The following SCN11A variants were observed in gnomAD, a reference collection of about 807,000 sequenced individuals.
SCN11A encodes the protein sodium voltage-gated channel alpha subunit 11.
SCN11A carries 122 observed loss-of-function variants against 162.2 expected under a neutral mutation model. The ratio of observed to expected loss-of-function variants is 0.75; its 90% CI spans 0.65 to 0.87. The LOEUF is 0.87. Among genes scored for constraint, SCN11A ranks in the 40% least tolerant of loss-of-function variants. The probability of loss-of-function intolerance (pLI) is 0.00; values close to 1 mark genes in which losing one functional copy is unlikely to be tolerated. For synonymous variants in SCN11A, 758 were observed against 751.5 expected (o/e 1.01, Z -0.14); for missense variants, 2,015 against 2,181.6 (o/e 0.92, Z 1.52).
At chr3:38,964,418 C>T (rs1037107494) in intron 2 of SCN11A, among the ~76,000 whole-genome samples, 3 of 152,176 alleles carry the variant, frequency 2.0e-5, no homozygotes, top group African/African-American at 7.2e-5. Flanking sequence ...AAAACAAGAC[C>T]TTAGGTCTTT....
intron 2 of SCN11A, among the ~76,000 whole-genome samples, chr3:38,996,718 G>T (rs1206045437): frequency 6.6e-6 from 1 of 152,118 alleles, no homozygotes; most frequent in Non-Finnish European, 1.5e-5. Flanking sequence ...GCGGTATATT[G>T]CGAAGATGGC....
Position 38,928,389 on chromosome 3 carries a change from G to A in SCN11A, c.489-1458C>T, listed in dbSNP as rs535871561. Among the ~76,000 whole-genome samples the A allele has an allele frequency of 1.3e-3, 202 of 152,128 alleles. 1 individual carries two copies. Among genetic ancestry groups the A allele is most frequent in the African/African-American group, 4.7e-3 (197 of 41,522 alleles). On this transcript the variant is annotated intron_variant, in intron 7 of 29. Transcript: ENST00000302328. ...GCCTGTTGGGGGTGGGGAGCAAGGG[G>A]AGGGAGAGGATTAGGACAAATACCT...
chr3:39,047,514 A>T (rs2032213589), intron 1 of SCN11A, among the ~76,000 whole-genome samples: 1 of 152,194 alleles, frequency 6.6e-6, no homozygotes, highest in African/African-American at 2.4e-5. Flanking sequence ...AACAAAACCA[A>T]ATATAGACAA....
intron 5 of SCN11A, among the ~76,000 whole-genome samples, chr3:38,949,047 A>T (rs931485257): frequency 6.6e-6 from 1 of 152,194 alleles, no homozygotes; most frequent in African/African-American, 2.4e-5. Flanking sequence ...GTCTATCCCA[A>T]TTGAAGTACA....
intron 2 of SCN11A, among the ~76,000 whole-genome samples, chr3:38,984,543 T>C (rs1464958354): frequency 1.3e-5 from 2 of 151,404 alleles, no homozygotes. Context: ...AAAGCCACAC[T>C]CCTGTCCCCC....
At chr3:39,020,383 G>A (rs1408621012) in intron 2 of SCN11A, among the ~76,000 whole-genome samples, 1 of 152,214 alleles carries the variant, frequency 6.6e-6, no homozygotes, top group Admixed American at 6.5e-5. Flanking sequence ...GAGTTTGCCT[G>A]AAGCTGCATT....
intron 27 of SCN11A, among the ~76,000 whole-genome samples, chr3:38,865,190 T>C (rs1024153649): frequency 6.6e-6 from 1 of 152,170 alleles, no homozygotes; most frequent in African/African-American, 2.4e-5. Flanking sequence ...GTATTTTAGG[T>C]TAATTCTAGT....
intron 28 of SCN11A, among the ~76,000 whole-genome samples, chr3:38,853,851 A>G (rs937910529): frequency 2.6e-5 from 4 of 152,202 alleles, no homozygotes; most frequent in Non-Finnish European, 5.9e-5. Context: ...TGTTGTGCCT[A>G]TTGTACTACT....
rs561034792 is a variant in SCN11A, at chr3:38,884,540, G to A, written c.3064+748C>T. ...CATTTGTTGAACCCATTTCTGGGCC[G>A]GCTTCTATTCTTACACTAGAGATAC... is the stretch of plus-strand genomic sequence containing the variant. On this transcript the variant is annotated intron_variant, in intron 21 of 29. Coordinates refer to ENST00000302328, the MANE Select transcript of SCN11A (RefSeq NM_001349253.2). 2.3e-3 allele frequency among the ~76,000 whole-genome samples: 345 copies of A among 152,154 alleles called. 3 individuals are homozygous for A. Among genetic ancestry groups the A allele is most frequent in the African/African-American group, 7.6e-3 (317 of 41,500 alleles).
At chr3:38,924,370 T>A (rs553502657) in intron 9 of SCN11A, among the ~76,000 whole-genome samples, 1 of 148,986 alleles carries the variant, frequency 6.7e-6, no homozygotes, top group Admixed American at 6.6e-5. Context: ...CACCACCACA[T>A]CTAACTAATT....
intron 14 of SCN11A, among the ~76,000 whole-genome samples, chr3:38,906,612 C>A (rs114293089): frequency 6.6e-6 from 1 of 151,824 alleles, no homozygotes; most frequent in African/African-American, 2.4e-5. Flanking sequence ...GTTAATTGCT[C>A]TTCATCCTCA....
At chr3:38,950,895 A>C (rs2066602725) in intron 4 of SCN11A, among the ~76,000 whole-genome samples, 1 of 152,276 alleles carries the variant, frequency 6.6e-6, no homozygotes, top group South Asian at 2.1e-4. Flanking sequence ...TGGGAACAAA[A>C]GAGCCATAAA....
At chr3:38,981,217 C>G (rs959397360) in intron 2 of SCN11A, among the ~76,000 whole-genome samples, 2 of 152,188 alleles carry the variant, frequency 1.3e-5, no homozygotes, top group Non-Finnish European at 2.9e-5. Flanking sequence ...AAACCCTAAT[C>G]TGATCAACCA....
chr3:38,968,615 CAT>C (rs771812650), intron 2 of SCN11A, among the ~76,000 whole-genome samples: 5 of 152,304 alleles, frequency 3.3e-5, no homozygotes, highest in South Asian at 2.1e-4. Context: ...TGCACACACA[CAT>C]ATGCTTACAC....
At position 38,984,004 on chromosome 3, in the gene SCN11A, T is replaced by C. The variant is rs148634097; in HGVS notation, c.-279-23581A>G. On this transcript the variant is annotated intron_variant, in intron 2 of 29. Coordinates refer to ENST00000302328, the MANE Select transcript of SCN11A (RefSeq NM_001349253.2). ...AGAACAGGGTAAAATGAAGTCCTGC[T>C]GATCACATTTCTAAATCTTTTTAGT... 1.1e-4 allele frequency among the ~76,000 whole-genome samples: 16 copies of C among 152,378 alleles called. No individual in the cohort carries two copies. In the East Asian group the frequency reaches 3.1e-3, roughly 29 times the overall value.
Position 38,858,996 on chromosome 3 carries a change from T to C in SCN11A, c.4056+4199A>G, listed in dbSNP as rs150520953. Among the ~76,000 whole-genome samples the C allele has an allele frequency of 3.6e-4, 55 of 152,170 alleles. 1 individual carries two copies. In the East Asian group the frequency reaches 0.01, roughly 28 times the overall value. On this transcript the variant is annotated intron_variant, in intron 28 of 29. Coordinates refer to ENST00000302328, the MANE Select transcript of SCN11A (RefSeq NM_001349253.2). ...TGAATGATAACAGTGACACAACTTA[T>C]GAAAACCACTGAGATACAGCAAAAG...
chr3:38,847,461 A>G lies in SCN11A; in HGVS notation c.4609T>C (p.Phe1537Leu), dbSNP rs1262224011. The G allele has an allele frequency of 2.5e-6, 4 of 1,614,086 alleles. No individual in the cohort carries two copies. Among genetic ancestry groups the G allele is most frequent in the Non-Finnish European group, 3.4e-6 (4 of 1,180,032 alleles). Residue 1537 changes from phenylalanine (F) to leucine (L), a missense_variant, in exon 30 of 30, where the codon TTT becomes CTT. Physicochemically the swap from Phe to Leu is conservative, Grantham distance 22. Transcript: ENST00000302328. ...AAGAGACAGAGCATGCTGCTGGCAA[A>G]AGTCTTGAAGTTGAATATGTCATCG... ...GIDDIFNFKT[F>L]ASSMLCLFQI...
chr3:38,855,361 T>C (rs936565744), intron 28 of SCN11A, among the ~76,000 whole-genome samples: 1 of 152,190 alleles, frequency 6.6e-6, no homozygotes, highest in Non-Finnish European at 1.5e-5. Flanking sequence ...ACAGTGGTTA[T>C]GGCAAGCCCC....
chr3:38,924,196 C>A (rs893782851), intron 9 of SCN11A, among the ~76,000 whole-genome samples: 2 of 152,004 alleles, frequency 1.3e-5, no homozygotes, highest in Non-Finnish European at 2.9e-5. Flanking sequence ...AAGCGCATAT[C>A]CTCCCTGTGC....
Sources: allele counts gnomAD v4.1 joint callset (sites outside exome capture counted in the v4.1 genomes callset), GRCh38; gene constraint gnomAD v4.1.1; transcripts MANE v1.5; gene names NCBI Gene and HGNC (gene_info 2026-07-23, HGNC 2026-07-21).